NCKAP5: variants seen among roughly 807,000 people sequenced by gnomAD.
NCKAP5 encodes the protein nck-associated protein 5.
Under a neutral mutation model 167.0 loss-of-function variants are expected in NCKAP5, and 92 were observed. That is an observed-to-expected ratio of 0.55 (90% CI 0.47 to 0.66). NCKAP5 has a LOEUF of 0.66. Ranked by LOEUF, NCKAP5 falls within the 30% of genes least tolerant of loss-of-function variation. NCKAP5 has a pLI of 0.00. For missense variants in NCKAP5, 2,378 were observed against 2,315.0 expected (o/e 1.03, Z -0.56); for synonymous variants, 891 against 877.4 (o/e 1.02, Z -0.27).
Position 132,976,895 on chromosome 2 carries a change from T to A in NCKAP5, c.430-13026A>T, listed in dbSNP as rs191959266. Reference sequence around the variant, plus strand: ...CAATATCATATCATTTTTGTGTGTGTGTGGCAATTGCTGGCAAATAAATAG... The same window carrying A: ...CAATATCATATCATTTTTGTGTGTGAGTGGCAATTGCTGGCAAATAAATAG... On this transcript the variant is annotated intron_variant, in intron 7 of 19. Coordinates refer to ENST00000409261, the MANE Select transcript of NCKAP5 (RefSeq NM_207363.3). Among the ~76,000 whole-genome samples the A allele has an allele frequency of 1.8e-3, 277 of 152,296 alleles. 8 individuals carry two copies. The South Asian group carries it at 0.048, about 26-fold the overall frequency.
At chr2:132,875,552 G>T (rs10177329) in intron 9 of NCKAP5, among the ~76,000 whole-genome samples, 50,090 of 152,072 alleles carry the variant, frequency 0.33, 9,034 homozygotes, top group East Asian at 0.55. Flanking sequence ...GTAAAGGTTT[G>T]CAGGATACAA....
chr2:132,846,390 C>T (rs1033381322), intron 11 of NCKAP5, among the ~76,000 whole-genome samples: 18 of 151,972 alleles, frequency 1.2e-4, no homozygotes, highest in Admixed American at 9.8e-4. Flanking sequence ...TTGCAGCCTC[C>T]GTCTCCTGGG....
At chr2:132,741,781 C>A (rs1438412153) in intron 16 of NCKAP5, among the ~76,000 whole-genome samples, 2 of 152,238 alleles carry the variant, frequency 1.3e-5, no homozygotes, top group East Asian at 3.9e-4. Flanking sequence ...GAAATGCCAA[C>A]TTATCTATCC....
chr2:132,684,449 A>C (rs1252015139), intron 19 of NCKAP5, among the ~76,000 whole-genome samples: 6 of 152,218 alleles, frequency 3.9e-5, no homozygotes, highest in African/African-American at 1.4e-4. Flanking sequence ...GCTTGTGAGT[A>C]GTCAAGGTCA....
At chr2:133,147,442 G>A (rs2149869346) in intron 5 of NCKAP5, among the ~76,000 whole-genome samples, 1 of 152,240 alleles carries the variant, frequency 6.6e-6, no homozygotes, top group Non-Finnish European at 1.5e-5. Flanking sequence ...AGTCTGGGAA[G>A]GGCATTCATA....
chr2:133,018,352 G>A (rs2078416674), intron 6 of NCKAP5, among the ~76,000 whole-genome samples: 1 of 152,154 alleles, frequency 6.6e-6, no homozygotes, highest in Non-Finnish European at 1.5e-5. Context: ...CTGACATACT[G>A]TCTACTAAGG....
At chr2:133,149,605 A>G (rs1360538313) in intron 5 of NCKAP5, among the ~76,000 whole-genome samples, 1 of 152,118 alleles carries the variant, frequency 6.6e-6, no homozygotes, top group Non-Finnish European at 1.5e-5. Flanking sequence ...TCTTCTACAT[A>G]TGTTCCTTGA....
At chr2:132,825,384 C>T (rs1040575880) in intron 11 of NCKAP5, among the ~76,000 whole-genome samples, 15 of 152,148 alleles carry the variant, frequency 9.9e-5, no homozygotes, top group African/African-American at 3.6e-4. Flanking sequence ...CACATCTCCA[C>T]CCCTAAGAGG....
At position 133,234,053 on chromosome 2, in the gene NCKAP5, C is replaced by T. The variant is rs542653916; in HGVS notation, c.144-20274G>A. Among the ~76,000 whole-genome samples the T allele has an allele frequency of 1.2e-4, 19 of 152,340 alleles. No homozygotes were observed. In the South Asian group the frequency reaches 3.9e-3, roughly 32 times the overall value. On this transcript the variant is annotated intron_variant, in intron 4 of 19. Coordinates refer to ENST00000409261, the MANE Select transcript of NCKAP5 (RefSeq NM_207363.3). ...GGGAGCAAACACAGGCTCCAAACTGCAGCAGATAGGAGCACTCCTCATGAG... is the reference window on the plus strand; with the variant it reads ...GGGAGCAAACACAGGCTCCAAACTGTAGCAGATAGGAGCACTCCTCATGAG...
At chr2:133,440,490 C>T (rs1322450439) in intron 3 of NCKAP5, among the ~76,000 whole-genome samples, 1 of 151,886 alleles carries the variant, frequency 6.6e-6, no homozygotes, top group Non-Finnish European at 1.5e-5. Flanking sequence ...GAGGGTGGAT[C>T]ACAGGGTCAG....
chr2:133,172,345 T>C (rs1179994320), intron 5 of NCKAP5, among the ~76,000 whole-genome samples: 1 of 152,254 alleles, frequency 6.6e-6, no homozygotes, highest in Non-Finnish European at 1.5e-5. Flanking sequence ...TCCCACATTT[T>C]GTGTCTTAAC....
intron 16 of NCKAP5, among the ~76,000 whole-genome samples, chr2:132,755,198 G>C (rs1186038765): frequency 1.3e-5 from 2 of 152,238 alleles, no homozygotes; most frequent in African/African-American, 2.4e-5. Context: ...CTGGGAGGAA[G>C]AGGATGAAGG....
the NCKAP5 span, among the ~76,000 whole-genome samples, chr2:133,642,369 A>G: frequency 6.6e-6 from 1 of 152,162 alleles, no homozygotes; most frequent in Non-Finnish European, 1.5e-5. Flanking sequence ...ACCTGGTTTA[A>G]CCTTTATTAG....
intron 7 of NCKAP5, among the ~76,000 whole-genome samples, chr2:132,989,725 ACCATCAAAATATT>A (rs2077396446): frequency 6.6e-6 from 1 of 152,202 alleles, no homozygotes. Context: ...TTTCCACCAC[ACCATCAAAATATT>A]CCACAGATAA....
Position 132,962,781 on chromosome 2 carries a change from C to T in NCKAP5, c.579+939G>A, listed in dbSNP as rs918952517. Among the ~76,000 whole-genome samples the T allele has an allele frequency of 9.9e-5, 15 of 152,118 alleles. No homozygotes were observed. The East Asian group carries it at 2.5e-3, about 26-fold the overall frequency. ...AATTTTTTTGTATTTTTAGTAGAGA[C>T]GGGGTTTCACCTTGTTAGCCAGGAT... is the stretch of plus-strand genomic sequence containing the variant. On this transcript the variant is annotated intron_variant, in intron 8 of 19. Transcript: ENST00000409261.
chr2:133,526,275 G>A (rs1405897861), intron 2 of NCKAP5, among the ~76,000 whole-genome samples: 1 of 100,786 alleles, frequency 9.9e-6, no homozygotes, highest in Admixed American at 1.0e-4. Flanking sequence ...GAGGGAGGGA[G>A]GGAAGGAGGG....
chr2:133,492,175 G>A (rs948547890), intron 3 of NCKAP5, among the ~76,000 whole-genome samples: 1 of 151,742 alleles, frequency 6.6e-6, no homozygotes, highest in Non-Finnish European at 1.5e-5. Context: ...GTGTGTTAAG[G>A]TCTATCTTGT....
chr2:132,778,714 TG>T (rs933397121), intron 15 of NCKAP5, among the ~76,000 whole-genome samples: 22 of 152,264 alleles, frequency 1.4e-4, no homozygotes, highest in African/African-American at 4.8e-4. Context: ...TGAGCCCTAG[TG>T]GGGGGAAATT....
chr2:133,650,328 G>A, the NCKAP5 span, among the ~76,000 whole-genome samples: 1 of 152,048 alleles, frequency 6.6e-6, no homozygotes, highest in African/African-American at 2.4e-5. Flanking sequence ...CTAAAAAAAA[G>A]TCAAATGGTA....
Sources: gnomAD v4.1 joint callset for allele counts (sites outside exome capture counted in the v4.1 genomes callset) on GRCh38, gnomAD v4.1.1 for gene constraint, MANE v1.5 for transcripts, NCBI Gene and HGNC (gene_info 2026-07-23, HGNC 2026-07-21) for gene names.